Variants in ACSM3 observed in about 807,000 individuals in gnomAD.
ACSM3 encodes the protein acyl-coenzyme A synthetase ACSM3, mitochondrial.
In ACSM3, 61 loss-of-function variants were observed where a neutral mutation model predicts 74.1. The observed-to-expected ratio is 0.82, with a 90% CI of 0.67 to 1.02. The LOEUF (loss-of-function observed/expected upper bound fraction) is 1.02. Ranked by LOEUF, ACSM3 falls within the 50% of genes least tolerant of loss-of-function variation. The pLI is 0.00. For synonymous variants in ACSM3, 213 were observed against 241.5 expected (o/e 0.88, Z 1.09); for missense variants, 660 against 697.0 (o/e 0.95, Z 0.60).
intron 4 of ACSM3, 77 bp downstream of exon 4, chr16:20,777,657 AT>A: frequency 7.6e-7 from 1 of 1,307,672 alleles, no homozygotes; most frequent in Non-Finnish European, 1.1e-6. Context: ...CCCAGCAGTG[AT>A]TAGAAAAATG....
chr16:20,680,006 A>T (rs2079406186), intron 1 of ACSM3: 1 of 152,182 alleles, frequency 6.6e-6, no homozygotes. Context: ...AACACAAGAG[A>T]GGCTTAGCAG....
chr16:20,677,729 T>C (rs1276572800), intron 1 of ACSM3, among the ~76,000 whole-genome samples: 1 of 152,156 alleles, frequency 6.6e-6, no homozygotes, highest in Non-Finnish European at 1.5e-5. Context: ...AGTCTTTGCC[T>C]ACAGAAACTT....
At chr16:20,771,481 G>T (rs2080193647) in intron 2 of ACSM3, among the ~76,000 whole-genome samples, 2 of 145,806 alleles carry the variant, frequency 1.4e-5, no homozygotes, top group African/African-American at 5.0e-5. Flanking sequence ...GTAAGAACAT[G>T]TGGCATTTAT....
rs529230073 is a variant in ACSM3 at position 20,726,047 on chromosome 16, C to A, written c.-189-23863C>A. On this transcript the variant is annotated intron_variant, in intron 1 of 3. Coordinates refer to the ACSM3 transcript ENST00000561584. ...AATTGTCCCCTAGTCTACAAACCAC[C>A]GGAATATCCTCTAGGACAACTGGAC... Among the ~76,000 whole-genome samples the A allele has an allele frequency of 1.2e-4, 18 of 152,176 alleles. No individual in the cohort carries two copies. The South Asian group carries it at 3.7e-3, about 32-fold the overall frequency.
chr16:20,725,950 G>A (rs993934927), intron 1 of ACSM3, among the ~76,000 whole-genome samples: 4 of 152,008 alleles, frequency 2.6e-5, no homozygotes, highest in African/African-American at 9.7e-5. Context: ...TTCCAGCCTG[G>A]GCAACAGCGC....
intron 1 of ACSM3, among the ~76,000 whole-genome samples, chr16:20,701,904 G>A (rs757587495): frequency 6.6e-6 from 1 of 152,156 alleles, no homozygotes; most frequent in Non-Finnish European, 1.5e-5. Flanking sequence ...AGTATTCCAT[G>A]GTGTATATGT....
chr16:20,729,376 CT>C, intron 1 of ACSM3: 1 of 1,315,592 alleles, frequency 7.6e-7, no homozygotes, highest in Non-Finnish European at 1.1e-6. Context: ...ATTTGCCACT[CT>C]TAAGAGGCAA....
Position 20,790,651 on chromosome 16 carries a change from T to C in ACSM3, c.1289T>C (p.Leu430Pro), listed in dbSNP as rs914652387. The C allele has an allele frequency of 3.1e-6, 5 of 1,614,062 alleles. No individual in the cohort carries two copies. The African/African-American group carries it at 6.7e-5, about 22-fold the overall frequency. The change falls in exon 10 of 14, where the codon CTA becomes CCA. Residue 430 changes from leucine to proline, a missense_variant. By Grantham distance (98) the Leu-to-Pro change is moderately conservative. Coordinates refer to ENST00000289416, the MANE Select transcript of ACSM3 (RefSeq NM_005622.4). This position sits in a 1 kb window ranked among gnomAD's most constrained non-coding sequence, Gnocchi z 4.0. The part of the protein sequence containing the change: ...GQEGDIGIQV[L>P]PNRPFGLFTH... ...GAAGGAGATATTGGCATTCAAGTTC[T>C]ACCCAACCGACCATTTGGCCTTTTT...
At chr16:20,777,718 A>G (rs2080273149) in intron 4 of ACSM3, 138 bp downstream of exon 4, 1 of 756,018 alleles carries the variant, frequency 1.3e-6, no homozygotes, top group Non-Finnish European at 2.1e-6. Flanking sequence ...TTGCTGCACT[A>G]ATAGTGCTAA....
At chr16:20,713,893 C>T (rs2079752260) in intron 1 of ACSM3, among the ~76,000 whole-genome samples, 1 of 152,144 alleles carries the variant, frequency 6.6e-6, no homozygotes, top group African/African-American at 2.4e-5. Flanking sequence ...TCATTGCCAA[C>T]AGTTGGCTAG....
intron 1 of ACSM3, chr16:20,743,637 A>G (rs1280272770): frequency 6.6e-6 from 1 of 152,200 alleles, no homozygotes; most frequent in African/African-American, 2.4e-5. Context: ...ATCTACCACT[A>G]TGTCCAAAAA....
At chr16:20,739,830 A>T (rs7501100) in intron 1 of ACSM3, among the ~76,000 whole-genome samples, 88 of 46,622 alleles carry the variant, frequency 1.9e-3, no homozygotes, top group African/African-American at 3.8e-3. Context: ...CAAAAAAATT[A>T]AAAAAAAAAA....
chr16:20,701,174 T>C (rs922246825), intron 1 of ACSM3, among the ~76,000 whole-genome samples: 2 of 152,154 alleles, frequency 1.3e-5, no homozygotes, highest in African/African-American at 4.8e-5. Context: ...TCACGGAGGC[T>C]ACAGAAGGCA....
chr16:20,762,929 G>A (rs1316174620), upstream of ACSM3, among the ~76,000 whole-genome samples: 1 of 152,052 alleles, frequency 6.6e-6, no homozygotes, highest in Non-Finnish European at 1.5e-5. Context: ...TGCGCAATAA[G>A]GCAAGAAAAG....
intron 2 of ACSM3, among the ~76,000 whole-genome samples, chr16:20,753,742 G>A (rs58149140): frequency 0.43 from 64,768 of 151,814 alleles, 16,356 homozygotes; most frequent in Non-Finnish European, 0.58. Flanking sequence ...GACAAGTAAT[G>A]AAGAGGTGGA....
At chr16:20,764,252 CAA>C (rs1246860214) in intron 1 of ACSM3, 127 bp downstream of exon 1, 2 of 152,126 alleles carry the variant, frequency 1.3e-5, no homozygotes, top group South Asian at 2.1e-4. Context: ...CTTGGGCAGC[CAA>C]AGTTTCTCTC....
intron 3 of ACSM3, 142 bp from the exon 4 acceptor site, chr16:20,777,231 A>G (rs1225846164): frequency 1.0e-5 from 8 of 787,068 alleles, no homozygotes; most frequent in Non-Finnish European, 1.6e-5. Context: ...CAGATAAGTG[A>G]AAGCAAGATA....
chr16:20,738,063 C>CATA, intron 1 of ACSM3: 1 of 1,088,360 alleles, frequency 9.2e-7, no homozygotes. Context: ...AAGAAATTCT[C>CATA]ATAATGAATT....
At chr16:20,777,860 G>T (rs536034322) in intron 4 of ACSM3, among the ~76,000 whole-genome samples, 1 of 152,146 alleles carries the variant, frequency 6.6e-6, no homozygotes, top group African/African-American at 2.4e-5. Flanking sequence ...TAAGAATGTC[G>T]GACTGGGCAG....
Sources: gnomAD v4.1 joint callset for allele counts (sites outside exome capture counted in the v4.1 genomes callset) on GRCh38, gnomAD v4.1.1 for gene constraint, Gnocchi (gnomAD v3.1) non-coding constraint, MANE v1.5 for transcripts, NCBI Gene and HGNC (gene_info 2026-07-23, HGNC 2026-07-21) for gene names.